The following KSR2 variants were observed in gnomAD, a reference collection of about 807,000 sequenced individuals.
KSR2 encodes kinase suppressor of ras 2.
KSR2 carries 25 observed loss-of-function variants against 107.8 expected under a neutral mutation model. That is an observed-to-expected ratio of 0.23 (90% CI 0.17 to 0.32). The LOEUF is 0.32. KSR2 is among the 10% of genes least tolerant of loss of function. KSR2 has a pLI of 1.00. For synonymous variants in KSR2, 480 were observed against 507.0 expected (o/e 0.95, Z 0.71); for missense variants, 887 against 1,268.9 (o/e 0.70, Z 4.57).
At chr12:117,814,115 T>A (rs907670442) in intron 3 of KSR2, among the ~76,000 whole-genome samples, 5 of 152,186 alleles carry the variant, frequency 3.3e-5, no homozygotes, top group African/African-American at 1.2e-4. Context: ...CTGGGAAGGC[T>A]AAGGGGAAGA....
At chr12:117,844,440 A>T (rs376647218) in intron 3 of KSR2, among the ~76,000 whole-genome samples, 1 of 151,368 alleles carries the variant, frequency 6.6e-6, no homozygotes, top group African/African-American at 2.4e-5. Flanking sequence ...TAAGAAAAAA[A>T]AACAACTTGC....
At chr12:117,746,746 C>A (rs7977180) in intron 4 of KSR2, among the ~76,000 whole-genome samples, 35,450 of 150,528 alleles carry the variant, frequency 0.24, 5,132 homozygotes, top group African/African-American at 0.4. Context: ...GAAAAAAAAA[C>A]CCCCATCAAA....
chr12:117,597,062 C>T (rs535161011), intron 5 of KSR2, among the ~76,000 whole-genome samples: 73 of 152,210 alleles, frequency 4.8e-4, no homozygotes, highest in Middle Eastern at 6.8e-3. Context: ...ACGTATCTCC[C>T]GTGCAAGGGC....
At chr12:117,650,577 T>G (rs1883862425) in intron 5 of KSR2, among the ~76,000 whole-genome samples, 1 of 152,302 alleles carries the variant, frequency 6.6e-6, no homozygotes, top group South Asian at 2.1e-4. Flanking sequence ...CTACTTCTAA[T>G]AGTATAGAGA....
rs1469580555 is a variant in KSR2 at position 117,455,070 on chromosome 12, G to GAGAGAGAC, written c.*12128_*12129insGTCTCTCT. ...AGAGAGAGAGAGAGAGAGAGAGAGA[G>GAGAGAGAC]AGGTCTGTAGAGCCAGAGAGGGATG... On this transcript the variant is annotated 3_prime_UTR_variant, in exon 20 of 20. Coordinates refer to ENST00000339824, the MANE Select transcript of KSR2 (RefSeq NM_173598.6). 73 of 149,318 alleles carry GAGAGAGAC rather than the reference G, an allele frequency of 4.9e-4. No individual in the cohort carries two copies. Among genetic ancestry groups the GAGAGAGAC allele is most frequent in the African/African-American group, 1.8e-3 (72 of 40,374 alleles). The allele number at this position is 149,318 out of a possible 1,614,324, so 9.2% of individuals were successfully genotyped here. A position where few individuals can be genotyped will look rare whatever the true frequency, so the allele number is the denominator to read the frequency against.
intron 1 of KSR2, among the ~76,000 whole-genome samples, chr12:117,946,718 C>G (rs1262301366): frequency 1.3e-5 from 2 of 152,172 alleles, no homozygotes; most frequent in East Asian, 3.9e-4. Context: ...AAAAAAAATT[C>G]TCAGCAAAAT....
intron 5 of KSR2, among the ~76,000 whole-genome samples, chr12:117,590,240 G>A (rs1470873576): frequency 6.6e-6 from 1 of 152,212 alleles, no homozygotes; most frequent in Non-Finnish European, 1.5e-5. Flanking sequence ...TTAGAGACAA[G>A]ACCTTGAGTG....
At chr12:117,594,897 A>G (rs548430027) in intron 5 of KSR2, among the ~76,000 whole-genome samples, 1 of 152,348 alleles carries the variant, frequency 6.6e-6, no homozygotes, top group Non-Finnish European at 1.5e-5. Context: ...GGGATGCTAC[A>G]AACGAACAGA....
chr12:117,904,208 CG>C lies in KSR2; in HGVS notation c.181-43778del, dbSNP rs1217683365. On this transcript the variant is annotated intron_variant, in intron 1 of 19. Coordinates refer to ENST00000339824, the MANE Select transcript of KSR2 (RefSeq NM_173598.6). ...ACAAAGAAGCAAGAGCTGTGATCAT[CG>C]GGCCTCTTAATCAGACCCTCAGGGG... 3.3e-5 allele frequency among the ~76,000 whole-genome samples: 5 copies of C among 152,274 alleles called. No individual in the cohort carries two copies. The East Asian group carries it at 7.7e-4, about 23-fold the overall frequency.
chr12:117,542,215 G>A (rs1170024553), intron 9 of KSR2, among the ~76,000 whole-genome samples: 1 of 152,182 alleles, frequency 6.6e-6, no homozygotes, highest in Non-Finnish European at 1.5e-5. Context: ...CATGGGCTAA[G>A]AACATCCACC....
At position 117,462,695 on chromosome 12, in the gene KSR2, G is replaced by A. The variant is rs1870964106; in HGVS notation, c.*4504C>T. 1 of 152,330 alleles carries A rather than the reference G, an allele frequency of 6.6e-6. No homozygotes were observed. Among genetic ancestry groups the A allele is most frequent in the Admixed American group, 6.5e-5 (1 of 15,280 alleles). The allele number at this position is 152,330 out of a possible 1,614,324, so 9.4% of individuals were successfully genotyped here. On this transcript the variant is annotated 3_prime_UTR_variant, in exon 20 of 20. Transcript: ENST00000339824. ...CCTCACGGAGGTGAGGGGGGCTTGG[G>A]GATATGGTGGCACAGTGGAACAAGA...
At chr12:117,819,367 C>T (rs1249244653) in intron 3 of KSR2, among the ~76,000 whole-genome samples, 2 of 152,216 alleles carry the variant, frequency 1.3e-5, no homozygotes, top group Non-Finnish European at 2.9e-5. Flanking sequence ...AGGGCATGCC[C>T]TAGAGGGCGT....
rs1276445747 is a variant in KSR2 at position 117,543,557 on chromosome 12, A to G, written c.1519-3670T>C. Among the ~76,000 whole-genome samples, 3 of 152,324 alleles carry G rather than the reference A, an allele frequency of 2.0e-5. No individual in the cohort carries two copies. In the East Asian group the frequency reaches 5.8e-4, roughly 29 times the overall value. ...GTCTTTTCACATAACTTTTAGAATA[A>G]TCATGTCTTTATTTATAAAAATAAT... On this transcript the variant is annotated intron_variant, in intron 9 of 19. Transcript: ENST00000339824.
At chr12:117,841,989 C>A (rs964005042) in intron 3 of KSR2, among the ~76,000 whole-genome samples, 1 of 152,252 alleles carries the variant, frequency 6.6e-6, no homozygotes, top group Non-Finnish European at 1.5e-5. Context: ...CTACTTCTTG[C>A]ATTCCAACTC....
At chr12:117,885,697 T>A (rs573972815) in intron 1 of KSR2, among the ~76,000 whole-genome samples, 22 of 83,314 alleles carry the variant, frequency 2.6e-4, no homozygotes, top group South Asian at 6.9e-4. Flanking sequence ...GGGCGGGGGG[T>A]AAGGGGAGGA....
intron 7 of KSR2, among the ~76,000 whole-genome samples, chr12:117,568,619 C>T (rs559241869): frequency 1.3e-5 from 2 of 152,150 alleles, no homozygotes; most frequent in South Asian, 4.2e-4. Context: ...AATAATAGAC[C>T]CTACTTTCCA....
Position 117,860,393 on chromosome 12 carries a change from G to A in KSR2, c.219C>T (p.Cys73=). The A allele has an allele frequency of 1.2e-6, 2 of 1,612,536 alleles. No homozygotes were observed. The highest frequency in any genetic ancestry group is 1.7e-6 in the Non-Finnish European group (2 of 1,179,362). ...LVKYFSRQLS[C]KKKVALQERN... The stretch of plus-strand genomic sequence containing the variant: ...GCTCCTGCAAGGCTACCTTCTTTTT[G>A]CAGGACAGCTGCCGGCTGAAGTACT... The change falls in exon 2 of 20, where the codon TGC becomes TGT. Residue 73 remains cysteine (C), a synonymous_variant. Transcript: ENST00000339824.
chr12:117,901,624 T>C (rs970144560), intron 1 of KSR2, among the ~76,000 whole-genome samples: 14 of 152,208 alleles, frequency 9.2e-5, no homozygotes, highest in African/African-American at 3.4e-4. Context: ...CTTTTAAAAA[T>C]TAAAACGCAA....
At chr12:117,592,041 C>G (rs1318876026) in intron 5 of KSR2, among the ~76,000 whole-genome samples, 1 of 151,342 alleles carries the variant, frequency 6.6e-6, no homozygotes, top group Non-Finnish European at 1.5e-5. Context: ...ACTAGAAAAA[C>G]CTTCAGGATC....
Sources: gnomAD v4.1 joint callset for allele counts (sites outside exome capture counted in the v4.1 genomes callset) on GRCh38, gnomAD v4.1.1 for gene constraint, MANE v1.5 for transcripts, NCBI Gene and HGNC (gene_info 2026-07-23, HGNC 2026-07-21) for gene names.